KDM6A: variants seen among roughly 807,000 people sequenced by gnomAD.
KDM6A encodes lysine demethylase 6A.
KDM6A carries 11 observed loss-of-function variants against 117.6 expected under a neutral mutation model. The observed-to-expected ratio is 0.09, with a 90% CI of 0.06 to 0.15. The LOEUF (loss-of-function observed/expected upper bound fraction) is 0.15, where lower values mean the gene tolerates loss of function less well. Among genes scored for constraint, KDM6A ranks in the 10% least tolerant of loss-of-function variants. The pLI, the probability that KDM6A is intolerant of heterozygous loss-of-function variation, is 1.00. For missense variants in KDM6A, 799 were observed against 1,077.3 expected, an observed-to-expected ratio of 0.74 and a Z score of 3.62; for synonymous variants, 384 against 396.1, an observed-to-expected ratio of 0.97 and a Z score of 0.36.
At chrX:44,975,590 T>C (rs1437266456) in intron 4 of KDM6A, among the ~76,000 whole-genome samples, 1 of 112,087 alleles carries the variant, frequency 8.9e-6, no homozygotes, top group Non-Finnish European at 1.9e-5. Flanking sequence ...TATAAAATTA[T>C]AGCTTAATTC....
intron 8 of KDM6A, among the ~76,000 whole-genome samples, chrX:45,051,159 G>A (rs745816908): frequency 6.1e-4 from 68 of 110,896 alleles, no homozygotes; most frequent in African/African-American, 2.0e-3. Flanking sequence ...ACATGTGCGC[G>A]CCACCATGCC....
At chrX:45,011,590 T>A (rs1398432111) in intron 5 of KDM6A, among the ~76,000 whole-genome samples, 2 of 111,343 alleles carry the variant, frequency 1.8e-5, no homozygotes, top group Non-Finnish European at 3.8e-5. Context: ...CCCTGTAATA[T>A]TATGGCCTTT....
chrX:44,959,971 G>A (rs138445340), intron 2 of KDM6A, among the ~76,000 whole-genome samples: 34 of 111,527 alleles, frequency 3.0e-4, no homozygotes, highest in African/African-American at 9.4e-4. Flanking sequence ...CCTAGAATTC[G>A]CCTTGTTTAG....
At chrX:45,095,417 G>T (rs1052525886) in intron 27 of KDM6A, among the ~76,000 whole-genome samples, 2 of 111,131 alleles carry the variant, frequency 1.8e-5, no homozygotes, top group Non-Finnish European at 3.8e-5. Flanking sequence ...GGAAGAAAAA[G>T]TTGGGGATAG....
chrX:44,994,937 G>A (rs781112630), intron 4 of KDM6A, among the ~76,000 whole-genome samples: 10 of 111,905 alleles, frequency 8.9e-5, no homozygotes, highest in Non-Finnish European at 1.9e-4. Context: ...GTTGCTTTAC[G>A]AGGAAGTGAA....
At chrX:45,054,374 A>G (rs1007190811) in intron 10 of KDM6A, among the ~76,000 whole-genome samples, 1 of 111,873 alleles carries the variant, frequency 8.9e-6, no homozygotes, top group Non-Finnish European at 1.9e-5. Context: ...TTTATAATTT[A>G]TAATTTTGAT....
intron 7 of KDM6A, among the ~76,000 whole-genome samples, chrX:45,036,882 A>C (rs2042837674): frequency 8.9e-6 from 1 of 112,808 alleles, no homozygotes; most frequent in African/African-American, 3.2e-5. Flanking sequence ...TACTCTTGAG[A>C]GAAAAATGTC....
rs2044279088 is a variant in KDM6A at position 45,061,337 on chromosome X, A to G, written c.1499A>G (p.Asn500Ser). ...TSSPTKNTSDNWSGGHAVSHP... is the reference protein window; with the variant it reads ...TSSPTKNTSDSWSGGHAVSHP... Reference sequence around the variant, plus strand: ...GATTTTCCTCAGAATACTTCTGACAATTGGAGTGGTGGACATGCTGTGTCA... The same window carrying G: ...GATTTTCCTCAGAATACTTCTGACAGTTGGAGTGGTGGACATGCTGTGTCA... The change falls in exon 15 of 30, where the codon AAT becomes AGT. Residue 500 changes from asparagine (N) to serine (S), a missense_variant. By Grantham distance (46) the Asn-to-Ser change is conservative. Coordinates refer to ENST00000611820, the MANE Select transcript of KDM6A (RefSeq NM_001291415.2). 8 of 1,170,521 alleles carry G rather than the reference A, an allele frequency of 6.8e-6. No homozygotes were observed. Among genetic ancestry groups the G allele is most frequent in the East Asian group, 3.0e-5 (1 of 33,514 alleles).
intron 2 of KDM6A, among the ~76,000 whole-genome samples, chrX:44,920,833 C>CT (rs1194798007): frequency 9.3e-6 from 1 of 107,339 alleles, no homozygotes; most frequent in Non-Finnish European, 1.9e-5. Context: ...CTGATGAACT[C>CT]TGTCTTTTGC....
chrX:45,086,348 G>A (rs1030140256), intron 25 of KDM6A: 6 of 165,584 alleles, frequency 3.6e-5, no homozygotes, highest in East Asian at 1.6e-4. Context: ...TTGAGCACCC[G>A]TATAGGCTGT....
At chrX:44,886,772 T>C (rs1405320411) in intron 2 of KDM6A, among the ~76,000 whole-genome samples, 2 of 110,005 alleles carry the variant, frequency 1.8e-5, no homozygotes, top group Non-Finnish European at 1.9e-5. Flanking sequence ...ATTACAGGCA[T>C]GAGACACCGC....
intron 2 of KDM6A, among the ~76,000 whole-genome samples, chrX:44,888,005 A>C (rs1483889047): frequency 1.8e-5 from 2 of 109,514 alleles, no homozygotes; most frequent in Non-Finnish European, 3.8e-5. Flanking sequence ...TTTAAAAAAC[A>C]AACAAACAAA....
intron 2 of KDM6A, among the ~76,000 whole-genome samples, chrX:44,911,684 G>A (rs1030331481): frequency 1.3e-4 from 15 of 111,810 alleles, no homozygotes; most frequent in African/African-American, 4.5e-4. Context: ...GCGGCTGGGA[G>A]GTGGAGGTTG....
intron 2 of KDM6A, among the ~76,000 whole-genome samples, chrX:44,876,698 C>T (rs993189488): frequency 4.4e-5 from 4 of 91,814 alleles, no homozygotes; most frequent in Non-Finnish European, 8.2e-5. Flanking sequence ...TTAGCTATTA[C>T]TACTTGTTTT....
intron 3 of KDM6A, among the ~76,000 whole-genome samples, chrX:44,967,084 A>G (rs1298636975): frequency 1.3e-4 from 14 of 110,892 alleles, no homozygotes; most frequent in African/African-American, 4.6e-4. Context: ...GTTAGCCAGG[A>G]TGGTCTTGAT....
At chrX:45,083,293 GT>G (rs1490438403) in intron 23 of KDM6A, among the ~76,000 whole-genome samples, 166 bp from the exon 24 acceptor site, 3 of 111,395 alleles carry the variant, frequency 2.7e-5, no homozygotes, top group African/African-American at 9.8e-5. Context: ...TTGTTGGGAA[GT>G]TTTCTTTGGA....
At chrX:45,066,165 G>A (rs1478948330) in intron 17 of KDM6A, among the ~76,000 whole-genome samples, 1 of 112,119 alleles carries the variant, frequency 8.9e-6, no homozygotes, top group Non-Finnish European at 1.9e-5. Context: ...GCTGACCATT[G>A]GATAAGGGCA....
At chrX:44,910,401 C>G (rs933762856) in intron 2 of KDM6A, among the ~76,000 whole-genome samples, 3 of 110,826 alleles carry the variant, frequency 2.7e-5, no homozygotes, top group African/African-American at 9.9e-5. Context: ...GTTGGCCAGG[C>G]TGGTCTGGAA....
chrX:45,016,951 T>A (rs1306390272), intron 5 of KDM6A, among the ~76,000 whole-genome samples: 1 of 111,977 alleles, frequency 8.9e-6, no homozygotes, highest in Non-Finnish European at 1.9e-5. Flanking sequence ...ATTCAGCACA[T>A]GTATATGTTT....
Sources: gnomAD v4.1 joint callset for allele counts (sites outside exome capture counted in the v4.1 genomes callset) on GRCh38, gnomAD v4.1.1 for gene constraint, MANE v1.5 for transcripts, NCBI Gene and HGNC (gene_info 2026-07-23, HGNC 2026-07-21) for gene names.